Variants in PRR16 observed in about 807,000 individuals in gnomAD.
The protein encoded by PRR16 is protein Largen.
In PRR16, 6 loss-of-function variants were observed where a neutral mutation model predicts 18.2. The observed-to-expected ratio is 0.33, with a 90% CI of 0.18 to 0.65. The LOEUF is 0.65. Ranked by LOEUF, PRR16 falls within the 30% of genes least tolerant of loss-of-function variation. The pLI, the probability that PRR16 is intolerant of heterozygous loss-of-function variation, is 0.74. For synonymous variants in PRR16, 151 were observed against 147.8 expected (o/e 1.02, Z -0.16); for missense variants, 412 against 376.6 (o/e 1.09, Z -0.78).
Position 120,659,433 on chromosome 5 carries a change from G to T in PRR16, c.160-26521G>T, listed in dbSNP as rs576147601. Among the ~76,000 whole-genome samples, 21 of 152,010 alleles carry T rather than the reference G, an allele frequency of 1.4e-4. No homozygotes were observed. The South Asian group carries it at 4.1e-3, about 30-fold the overall frequency. ...TTCAGAATGTATAGACCTACCCACT[G>T]AATATGTTTTCATTGATATATAATA... On this transcript the variant is annotated intron_variant, in intron 1 of 1. Coordinates refer to ENST00000407149, the MANE Select transcript of PRR16 (RefSeq NM_001300783.2).
intron 1 of PRR16, among the ~76,000 whole-genome samples, chr5:120,621,903 TACA>T: frequency 6.6e-6 from 1 of 152,288 alleles, no homozygotes; most frequent in East Asian, 1.9e-4. Context: ...AACAGACTAA[TACA>T]ACATCTTTGG....
At chr5:120,506,417 ATGAATAAATATAACGTAAGCTCAAC>A (rs1357662478) in intron 1 of PRR16, among the ~76,000 whole-genome samples, 1 of 152,180 alleles carries the variant, frequency 6.6e-6, no homozygotes, top group African/African-American at 2.4e-5. Flanking sequence ...CTGATGTACA[ATGAATAAATATAACGTAAGCTCAAC>A]TGATTTGTAT....
chr5:120,724,517 A>C, the PRR16 span, among the ~76,000 whole-genome samples: 1 of 152,046 alleles, frequency 6.6e-6, no homozygotes, highest in Non-Finnish European at 1.5e-5. Context: ...AATATTAGCT[A>C]CTGATTTTAC....
At chr5:120,501,862 A>G (rs539406580) in intron 1 of PRR16, among the ~76,000 whole-genome samples, 1 of 145,184 alleles carries the variant, frequency 6.9e-6, no homozygotes, top group East Asian at 2.2e-4. Context: ...AGGCTGAGGC[A>G]GGAGAATGGT....
intron 1 of PRR16, among the ~76,000 whole-genome samples, chr5:120,497,976 TACTA>T (rs1015324443): frequency 4.6e-5 from 7 of 151,664 alleles, no homozygotes; most frequent in African/African-American, 1.5e-4. Context: ...TCATCCATTT[TACTA>T]ACTCTCTCTT....
chr5:120,712,349 T>G, the PRR16 span, among the ~76,000 whole-genome samples: 1 of 152,158 alleles, frequency 6.6e-6, no homozygotes, highest in Non-Finnish European at 1.5e-5. Flanking sequence ...TTATTCTACA[T>G]AAATGCAAGT....
intron 1 of PRR16, among the ~76,000 whole-genome samples, chr5:120,467,633 A>C (rs1479182949): frequency 6.6e-6 from 1 of 151,886 alleles, no homozygotes; most frequent in African/African-American, 2.4e-5. Flanking sequence ...TAGTGACAAA[A>C]CTCTAGTCTG....
At chr5:120,704,205 CA>C in the PRR16 span, among the ~76,000 whole-genome samples, 2 of 152,136 alleles carry the variant, frequency 1.3e-5, no homozygotes, top group African/African-American at 4.8e-5. Context: ...GGACAAAAGA[CA>C]CTTCTAGATT....
At chr5:120,727,476 C>T in the PRR16 span, among the ~76,000 whole-genome samples, 7,136 of 152,164 alleles carry the variant, frequency 0.047, 591 homozygotes, top group African/African-American at 0.16. Context: ...CTCCTCCCCA[C>T]AAACCTGTGC....
chr5:120,715,933 A>G, the PRR16 span, among the ~76,000 whole-genome samples: 1 of 151,846 alleles, frequency 6.6e-6, no homozygotes, highest in Admixed American at 6.6e-5. Context: ...CACTAGAAAA[A>G]TCTCTCTCCT....
intron 1 of PRR16, among the ~76,000 whole-genome samples, chr5:120,644,486 T>C (rs1755527604): frequency 1.3e-5 from 2 of 152,110 alleles, no homozygotes; most frequent in South Asian, 4.1e-4. Context: ...GGAAGATACA[T>C]GGTGAAGGTT....
At chr5:120,767,069 T>A in the PRR16 span, among the ~76,000 whole-genome samples, 1 of 151,986 alleles carries the variant, frequency 6.6e-6, no homozygotes. Flanking sequence ...TTACTCCACT[T>A]ACATTTGCTT....
chr5:120,633,373 A>G (rs959408565), intron 1 of PRR16, among the ~76,000 whole-genome samples: 1 of 152,178 alleles, frequency 6.6e-6, no homozygotes, highest in Non-Finnish European at 1.5e-5. Flanking sequence ...TCACACCTCA[A>G]TACTAAAGTT....
At chr5:120,508,834 T>C (rs1233491896) in intron 1 of PRR16, among the ~76,000 whole-genome samples, 3 of 152,134 alleles carry the variant, frequency 2.0e-5, no homozygotes, top group Admixed American at 6.6e-5. Context: ...ATATATTAAA[T>C]ATATAAATGC....
At chr5:120,611,191 A>T (rs1291848658) in intron 1 of PRR16, among the ~76,000 whole-genome samples, 1 of 152,170 alleles carries the variant, frequency 6.6e-6, no homozygotes, top group Non-Finnish European at 1.5e-5. Flanking sequence ...GCAAGTGGTG[A>T]CTTGGGTGCT....
chr5:120,637,090 C>G (rs777636375), intron 1 of PRR16, among the ~76,000 whole-genome samples: 1 of 151,930 alleles, frequency 6.6e-6, no homozygotes, highest in African/African-American at 2.4e-5. Context: ...GCCATACCAG[C>G]TCACTCCTGC....
chr5:120,574,075 G>A (rs1186291851), intron 1 of PRR16, among the ~76,000 whole-genome samples: 1 of 151,864 alleles, frequency 6.6e-6, no homozygotes, highest in Non-Finnish European at 1.5e-5. Context: ...TAACTGTAAT[G>A]GAAAAACATT....
chr5:120,534,477 C>G (rs1751651455), intron 1 of PRR16, among the ~76,000 whole-genome samples: 1 of 152,118 alleles, frequency 6.6e-6, no homozygotes. Context: ...GTTTTACACT[C>G]TACTGCACCT....
chr5:120,698,008 G>C, the PRR16 span, among the ~76,000 whole-genome samples: 1 of 152,162 alleles, frequency 6.6e-6, no homozygotes, highest in African/African-American at 2.4e-5. Flanking sequence ...GGGATGCGAT[G>C]GCTTGGCTTG....
Sources: gnomAD v4.1 joint callset for allele counts (sites outside exome capture counted in the v4.1 genomes callset) on GRCh38, gnomAD v4.1.1 for gene constraint, MANE v1.5 for transcripts, NCBI Gene and HGNC (gene_info 2026-07-23, HGNC 2026-07-21) for gene names.